Variants in MICU2 observed in about 807,000 individuals in gnomAD.
The protein encoded by MICU2 is mitochondrial calcium uptake 2, also known as calcium uptake protein 2, mitochondrial.
Under a neutral mutation model 60.4 loss-of-function variants are expected in MICU2, and 64 were observed. That is an observed-to-expected ratio of 1.06 (90% confidence interval 0.87 to 1.31). The LOEUF is 1.31. MICU2 is among the 50% of genes most tolerant of loss of function. MICU2 has a pLI of 0.00. For missense variants in MICU2, 569 were observed against 531.0 expected (o/e 1.07, Z -0.70); for synonymous variants, 201 against 175.0 (o/e 1.15, Z -1.17).
intron 4 of MICU2, among the ~76,000 whole-genome samples, chr13:21,532,205 C>T (rs541828221): frequency 3.3e-4 from 51 of 152,326 alleles, no homozygotes; most frequent in African/African-American, 1.2e-3. Context: ...AATTAAACTG[C>T]AATAACTTTC....
intron 1 of MICU2, among the ~76,000 whole-genome samples, chr13:21,568,040 T>G (rs1888024733): frequency 6.6e-6 from 1 of 152,192 alleles, no homozygotes; most frequent in Non-Finnish European, 1.5e-5. Context: ...CATTCTGGAT[T>G]GCTTTCCTGA....
intron 4 of MICU2, chr13:21,530,866 T>TC (rs1886979103): frequency 1.3e-6 from 1 of 742,440 alleles, no homozygotes; most frequent in Non-Finnish European, 2.4e-6. Flanking sequence ...GGACTCACCC[T>TC]CCTACGTCCT....
intron 2 of MICU2, among the ~76,000 whole-genome samples, chr13:21,554,762 A>G (rs1448102348): frequency 2.0e-5 from 3 of 152,324 alleles, no homozygotes; most frequent in Non-Finnish European, 1.5e-5. Flanking sequence ...GATCAAGAAA[A>G]TTGATAGACC....
chr13:21,501,587 T>C (rs1266626693), intron 9 of MICU2, among the ~76,000 whole-genome samples: 1 of 152,188 alleles, frequency 6.6e-6, no homozygotes, highest in Non-Finnish European at 1.5e-5. Flanking sequence ...TTCCCAATAA[T>C]TCAATGGTAT....
chr13:21,509,746 T>C (rs754692704), intron 8 of MICU2, among the ~76,000 whole-genome samples: 1 of 152,238 alleles, frequency 6.6e-6, no homozygotes, highest in Non-Finnish European at 1.5e-5. Context: ...GTTGCAAACA[T>C]TAAGTTACTA....
chr13:21,604,028 C>G lies in MICU2; in HGVS notation c.121G>C (p.Gly41Arg). The change falls in exon 1 of 12, where the codon GGC becomes CGC. Residue 41 changes from glycine to arginine, a missense_variant. Physicochemically the swap from Gly to Arg is moderately radical, Grantham distance 125. Transcript: ENST00000382374. ...SPGPLAAAVAGAALAGAGAAW... is the reference protein window; with the variant it reads ...SPGPLAAAVARAALAGAGAAW... ...GCTCCTGCTCCTGCCAGGGCCGCGC[C>G]GGCCACTGCCGCTGCCAAGGGGCCG... 1.2e-6 allele frequency: 2 copies of G among 1,608,020 alleles called. No individual in the cohort carries two copies. The highest frequency in any genetic ancestry group is 1.7e-6 in the Non-Finnish European group (2 of 1,178,034).
chr13:21,503,110 A>G lies in MICU2; in HGVS notation c.762-13T>C. On this transcript the variant is annotated splice_polypyrimidine_tract_variant and intron_variant, in intron 8 of 11. Coordinates refer to ENST00000382374, the MANE Select transcript of MICU2 (RefSeq NM_152726.3). ...ATTTTCCATAAATCTGAATGTTAAA[A>G]TACAAAATTAGTAAGGTAACTAGTG... 1 of 1,570,326 alleles carries G rather than the reference A, an allele frequency of 6.4e-7. No homozygotes were observed. The highest frequency in any genetic ancestry group is 8.7e-7 in the Non-Finnish European group (1 of 1,155,434).
intron 1 of MICU2, among the ~76,000 whole-genome samples, chr13:21,567,415 A>G (rs1888011453): frequency 2.0e-5 from 3 of 152,176 alleles, no homozygotes; most frequent in Admixed American, 2.0e-4. Flanking sequence ...GGTGTGGTCA[A>G]GGAACAGCAG....
intron 1 of MICU2, among the ~76,000 whole-genome samples, chr13:21,592,093 A>G (rs1295083412): frequency 1.3e-5 from 2 of 152,136 alleles, no homozygotes; most frequent in Non-Finnish European, 2.9e-5. Flanking sequence ...GTTTTTTGAA[A>G]AAAAATTAAC....
intron 4 of MICU2, 74 bp from the exon 5 acceptor site, chr13:21,522,724 T>C: frequency 2.7e-6 from 3 of 1,114,884 alleles, no homozygotes; most frequent in Non-Finnish European, 3.8e-6. Flanking sequence ...AACATTGAAA[T>C]TTCACCTAAT....
intron 2 of MICU2, among the ~76,000 whole-genome samples, chr13:21,554,627 A>G (rs1015607319): frequency 1.3e-5 from 2 of 152,242 alleles, no homozygotes; most frequent in East Asian, 3.8e-4. Flanking sequence ...AAAGAACTAG[A>G]GAAGCAAGGG....
intron 1 of MICU2, among the ~76,000 whole-genome samples, chr13:21,584,117 C>T (rs554939131): frequency 2.5e-4 from 38 of 152,254 alleles, no homozygotes; most frequent in East Asian, 3.9e-4. Flanking sequence ...TGGCCAGGCA[C>T]GGTGGCTCAC....
chr13:21,495,319 C>T lies in MICU2; in HGVS notation c.1043-1G>A. On this transcript the variant is annotated splice_acceptor_variant, in intron 10 of 11. Coordinates refer to ENST00000382374, the MANE Select transcript of MICU2 (RefSeq NM_152726.3). LOFTEE classifies it high-confidence loss of function. ...ACTTTCACAGCTCTCTTAAACTCCG[C>T]TAAAAAACAAACATAAAACAACTTA... 6.3e-7 allele frequency: 1 copy of T among 1,577,270 alleles called. No individual in the cohort carries two copies. Among genetic ancestry groups the T allele is most frequent in the Non-Finnish European group, 8.6e-7 (1 of 1,163,114 alleles).
At chr13:21,570,578 G>C (rs1193357127) in intron 1 of MICU2, among the ~76,000 whole-genome samples, 1 of 152,178 alleles carries the variant, frequency 6.6e-6, no homozygotes, top group Non-Finnish European at 1.5e-5. Flanking sequence ...TGTAATAAAA[G>C]TCTGTTTTTT....
At chr13:21,505,753 A>C (rs1326672545) in intron 8 of MICU2, among the ~76,000 whole-genome samples, 1 of 152,176 alleles carries the variant, frequency 6.6e-6, no homozygotes, top group Non-Finnish European at 1.5e-5. Flanking sequence ...CTCTTTCAGA[A>C]ACTACATGAT....
chr13:21,566,664 A>G (rs564547952), intron 2 of MICU2, 133 bp downstream of exon 2: 1 of 684,238 alleles, frequency 1.5e-6, no homozygotes, highest in African/African-American at 1.9e-5. Context: ...TCACAAGAAA[A>G]GTCTAAATAA....
intron 6 of MICU2, among the ~76,000 whole-genome samples, chr13:21,516,690 A>G (rs1184794849): frequency 6.6e-6 from 1 of 152,160 alleles, no homozygotes; most frequent in Non-Finnish European, 1.5e-5. Context: ...CAGTCTTCTT[A>G]ATTTTGGTCA....
At chr13:21,571,232 A>G (rs1888100362) in intron 1 of MICU2, among the ~76,000 whole-genome samples, 1 of 152,168 alleles carries the variant, frequency 6.6e-6, no homozygotes, top group Admixed American at 6.5e-5. Context: ...AACTGAGCTA[A>G]GGCAAAGAAA....
chr13:21,500,977 A>G (rs1886137767), intron 9 of MICU2, among the ~76,000 whole-genome samples: 1 of 151,952 alleles, frequency 6.6e-6, no homozygotes, highest in East Asian at 1.9e-4. Context: ...ACTCAGTTTC[A>G]TTTTTTCAAC....
Sources: gnomAD v4.1 joint callset for allele counts (sites outside exome capture counted in the v4.1 genomes callset) on GRCh38, gnomAD v4.1.1 for gene constraint, MANE v1.5 for transcripts, NCBI Gene and HGNC (gene_info 2026-07-23, HGNC 2026-07-21) for gene names.